Variants in MICU1 observed in about 807,000 individuals in gnomAD.
The protein encoded by MICU1 is calcium uptake protein 1, mitochondrial.
Under a neutral mutation model 56.8 loss-of-function variants are expected in MICU1, and 45 were observed. That is an observed-to-expected ratio of 0.79 (90% CI 0.62 to 1.02). The LOEUF (loss-of-function observed/expected upper bound fraction) is 1.02. Among genes scored for constraint, MICU1 ranks in the 50% least tolerant of loss-of-function variants. The pLI, the probability that MICU1 is intolerant of heterozygous loss-of-function variation, is 0.00. For missense variants in MICU1, 504 were observed against 587.1 expected (o/e 0.86, Z 1.46); for synonymous variants, 186 against 195.1 (o/e 0.95, Z 0.39).
chr10:72,554,264 C>A (rs1316126796), intron 3 of MICU1, among the ~76,000 whole-genome samples: 1 of 152,084 alleles, frequency 6.6e-6, no homozygotes, highest in African/African-American at 2.4e-5. Flanking sequence ...TTTGCAACTT[C>A]AATGAATTAA....
intron 2 of MICU1, among the ~76,000 whole-genome samples, chr10:72,566,185 C>G (rs1306792098): frequency 6.6e-6 from 1 of 151,792 alleles, no homozygotes; most frequent in Non-Finnish European, 1.5e-5. Context: ...GTAGCAGGGA[C>G]TACAGGCTCA....
At chr10:72,395,071 T>G (rs1863202450) in intron 10 of MICU1, among the ~76,000 whole-genome samples, 2 of 151,586 alleles carry the variant, frequency 1.3e-5, no homozygotes, top group Admixed American at 6.6e-5. Context: ...CCCAGCTACT[T>G]GGGAGGCTGA....
At chr10:72,486,854 T>C (rs1334025160) in intron 6 of MICU1, among the ~76,000 whole-genome samples, 1 of 152,146 alleles carries the variant, frequency 6.6e-6, no homozygotes, top group Non-Finnish European at 1.5e-5. Context: ...AACCTATGCG[T>C]GGATTTAAAA....
chr10:72,441,317 CAT>C (rs1405134300), intron 8 of MICU1, among the ~76,000 whole-genome samples: 2 of 150,474 alleles, frequency 1.3e-5, no homozygotes, highest in Admixed American at 6.7e-5. Flanking sequence ...CCAAACACCA[CAT>C]GTTTGGTTTT....
intron 10 of MICU1, among the ~76,000 whole-genome samples, chr10:72,377,126 CT>C (rs71018280): frequency 0.5 from 74,140 of 148,282 alleles, 19,691 homozygotes; most frequent in Non-Finnish European, 0.62. Flanking sequence ...GCGTATCTTT[CT>C]TTTTTTTTTT....
At chr10:72,398,412 C>G (rs1190386847) in intron 10 of MICU1, among the ~76,000 whole-genome samples, 1 of 151,438 alleles carries the variant, frequency 6.6e-6, no homozygotes, top group Admixed American at 6.6e-5. Context: ...AATGCAAAAG[C>G]TAGCAGAAGG....
chr10:72,548,424 C>T (rs992205633), intron 4 of MICU1, among the ~76,000 whole-genome samples: 1 of 152,158 alleles, frequency 6.6e-6, no homozygotes, highest in South Asian at 2.1e-4. Flanking sequence ...TAAGGAATAA[C>T]TGCTGTTTTT....
At chr10:72,479,995 G>T (rs1310799415) in intron 6 of MICU1, among the ~76,000 whole-genome samples, 1 of 152,198 alleles carries the variant, frequency 6.6e-6, no homozygotes, top group Non-Finnish European at 1.5e-5. Flanking sequence ...TGAAGCCACT[G>T]AAGGTTTTAA....
intron 8 of MICU1, among the ~76,000 whole-genome samples, chr10:72,458,667 G>C (rs1471528346): frequency 6.6e-6 from 1 of 150,774 alleles, no homozygotes; most frequent in Non-Finnish European, 1.5e-5. Context: ...TTCTAATAAG[G>C]CTCCCAGGGT....
intron 1 of MICU1, among the ~76,000 whole-genome samples, chr10:72,621,589 C>T (rs952528799): frequency 2.0e-5 from 3 of 152,004 alleles, no homozygotes; most frequent in African/African-American, 7.2e-5. Context: ...TAATCATATC[C>T]ACAACATGTA....
chr10:72,597,031 C>T (rs944160129), intron 1 of MICU1, among the ~76,000 whole-genome samples: 16 of 151,864 alleles, frequency 1.1e-4, no homozygotes, highest in African/African-American at 2.9e-4. Context: ...AATTGGGGGG[C>T]GAGATGAAGG....
intron 9 of MICU1, among the ~76,000 whole-genome samples, chr10:72,414,127 T>A (rs916362771): frequency 6.6e-6 from 1 of 152,174 alleles, no homozygotes; most frequent in Non-Finnish European, 1.5e-5. Flanking sequence ...CCTAGGAATC[T>A]TCAACAAAAA....
chr10:72,458,580 G>A (rs16929869), intron 8 of MICU1, among the ~76,000 whole-genome samples: 6,401 of 152,198 alleles, frequency 0.042, 393 homozygotes, highest in East Asian at 0.19. Context: ...ACTTTAAAGG[G>A]TAGAAAGCTG....
At chr10:72,474,858 C>T (rs562862609) in intron 8 of MICU1, among the ~76,000 whole-genome samples, 2 of 152,152 alleles carry the variant, frequency 1.3e-5, no homozygotes, top group African/African-American at 4.8e-5. Flanking sequence ...ACGGAACATA[C>T]AAAGACAGCT....
intron 9 of MICU1, among the ~76,000 whole-genome samples, chr10:72,418,613 A>C (rs1352479752): frequency 6.6e-6 from 1 of 152,062 alleles, no homozygotes; most frequent in Non-Finnish European, 1.5e-5. Context: ...ATTTATATGC[A>C]AAAATTTAAT....
intron 1 of MICU1, among the ~76,000 whole-genome samples, chr10:72,592,051 C>T (rs1413329186): frequency 2.0e-5 from 3 of 149,414 alleles, no homozygotes; most frequent in Non-Finnish European, 4.5e-5. Context: ...GCTCTGTCAT[C>T]CAGGCCGGAA....
intron 10 of MICU1, among the ~76,000 whole-genome samples, chr10:72,390,545 TTC>T (rs1252873056): frequency 6.6e-6 from 1 of 152,212 alleles, no homozygotes; most frequent in Non-Finnish European, 1.5e-5. Flanking sequence ...TACAGTGTTC[TTC>T]ACAATGCTGT....
chr10:72,403,790 G>A (rs983096728), intron 10 of MICU1, among the ~76,000 whole-genome samples: 1 of 151,572 alleles, frequency 6.6e-6, no homozygotes, highest in Non-Finnish European at 1.5e-5. Flanking sequence ...CAAGTAGTTG[G>A]GACTACAGTC....
intron 8 of MICU1, among the ~76,000 whole-genome samples, chr10:72,452,704 A>G (rs1054161191): frequency 2.0e-5 from 3 of 152,214 alleles, no homozygotes; most frequent in East Asian, 3.8e-4. Flanking sequence ...ATGTTTGCAC[A>G]CTGAAATCGC....
Sources: gnomAD v4.1 joint callset for allele counts (sites outside exome capture counted in the v4.1 genomes callset) on GRCh38, gnomAD v4.1.1 for gene constraint, MANE v1.5 for transcripts, NCBI Gene and HGNC (gene_info 2026-07-23, HGNC 2026-07-21) for gene names.